Variants in SMARCA4 observed in about 807,000 individuals in gnomAD.
SMARCA4 encodes SWI/SNF-related matrix-associated actin-dependent regulator of chromatin subfamily A member 4.
SMARCA4 carries 31 observed loss-of-function variants against 193.9 expected under a neutral mutation model. That is an observed-to-expected ratio of 0.16 (90% CI 0.12 to 0.22). The LOEUF is 0.22. SMARCA4 is among the 10% of genes least tolerant of loss of function. The probability of loss-of-function intolerance (pLI) is 1.00; values close to 1 mark genes in which losing one functional copy is unlikely to be tolerated. For synonymous variants in SMARCA4, 942 were observed against 933.1 expected (o/e 1.01, Z -0.17); for missense variants, 1,148 against 2,296.0 (o/e 0.50, Z 10.22).
chr19:11,000,401 G>A (rs971002943), intron 11 of SMARCA4, among the ~76,000 whole-genome samples: 1 of 152,008 alleles, frequency 6.6e-6, no homozygotes, highest in Non-Finnish European at 1.5e-5. Context: ...TGGTGCGCAC[G>A]CCTGTAGTCC....
chr19:10,968,060 C>T (rs972705184), intron 1 of SMARCA4, among the ~76,000 whole-genome samples: 1 of 151,412 alleles, frequency 6.6e-6, no homozygotes, highest in Non-Finnish European at 1.5e-5. Flanking sequence ...ACCATGTTAG[C>T]CAGGATGGTC....
chr19:10,965,311 T>C (rs1431912345), intron 1 of SMARCA4: 1 of 152,182 alleles, frequency 6.6e-6, no homozygotes, highest in Non-Finnish European at 1.5e-5. Context: ...ACCCAGCTTG[T>C]AGGATTGCTG....
chr19:11,057,539 A>T (rs2147074326), intron 30 of SMARCA4, among the ~76,000 whole-genome samples: 1 of 152,078 alleles, frequency 6.6e-6, no homozygotes, highest in African/African-American at 2.4e-5. Flanking sequence ...GACCATCCTG[A>T]CCAACATGGT....
chr19:11,044,240 A>C (rs1391347800), intron 30 of SMARCA4, among the ~76,000 whole-genome samples: 1 of 152,166 alleles, frequency 6.6e-6, no homozygotes, highest in African/African-American at 2.4e-5. Flanking sequence ...TGGACTGTGG[A>C]TGTAAGAACG....
intron 14 of SMARCA4, among the ~76,000 whole-genome samples, chr19:11,009,561 C>G (rs1479849698): frequency 2.0e-5 from 3 of 152,146 alleles, no homozygotes; most frequent in Non-Finnish European, 1.5e-5. Context: ...CTCAGTCGCC[C>G]AGGCTGGAGT....
At chr19:11,050,183 C>G (rs1157388865) in intron 30 of SMARCA4, among the ~76,000 whole-genome samples, 3 of 152,232 alleles carry the variant, frequency 2.0e-5, no homozygotes, top group Non-Finnish European at 4.4e-5. Flanking sequence ...AGCTTCAGGG[C>G]TAGAGGGGCA....
At chr19:10,995,647 CAGGCAGCCATGTGCCA>C (rs1379094408) in intron 9 of SMARCA4, 1 of 378,826 alleles carries the variant, frequency 2.6e-6, no homozygotes, top group Admixed American at 3.2e-5. Flanking sequence ...GTTGAGGTGG[CAGGCAGCCATGTGCCA>C]GGGCAGCCGG....
intron 16 of SMARCA4, chr19:11,018,225 C>G (rs1170429346): frequency 6.2e-6 from 1 of 161,458 alleles, no homozygotes; most frequent in Non-Finnish European, 1.4e-5. Flanking sequence ...TTCCCTCCCC[C>G]ACTGAAAACT....
chr19:11,031,227 G>A lies in SMARCA4; in HGVS notation c.3546+334G>A, dbSNP rs1365536653. ...GCGCCGTCACTGTGGGGCGGCCCCT[G>A]CAGTGTGCCCTGTGAGCACACACAC... On this transcript the variant is annotated intron_variant, in intron 25 of 34. Transcript: ENST00000344626. The surrounding 1 kb of genome is among the most constrained non-coding windows in gnomAD (Gnocchi z 4.3). 3 of 384,212 alleles carry A rather than the reference G, an allele frequency of 7.8e-6. No individual in the cohort carries two copies. Among genetic ancestry groups the A allele is most frequent in the Admixed American group, 3.7e-5 (1 of 27,342 alleles). 23.8% of individuals were successfully genotyped at this position (384,212 alleles called of 1,614,324 possible). A position where few individuals can be genotyped will look rare whatever the true frequency, so the allele number is the denominator to read the frequency against.
rs2076645554 is a variant in SMARCA4, at chr19:11,058,096, A to G, written c.4425-159A>G. ...ACTCCAGCCTGGGCAGCAAGAGCGA[A>G]ACTCCGTCTCAAAAAAAAAAAAAGC... On this transcript the variant is annotated intron_variant, in intron 30 of 34. Coordinates refer to ENST00000344626, the MANE Select transcript of SMARCA4 (RefSeq NM_003072.5). This position sits in a 1 kb window ranked among gnomAD's most constrained non-coding sequence, Gnocchi z 5.8. 6.8e-6 allele frequency among the ~76,000 whole-genome samples: 1 copy of G among 148,070 alleles called. No homozygotes were observed. Among genetic ancestry groups the G allele is most frequent in the South Asian group, 2.2e-4 (1 of 4,498 alleles).
intron 1 of SMARCA4, among the ~76,000 whole-genome samples, chr19:10,982,560 C>T (rs1246387713): frequency 6.6e-6 from 1 of 150,982 alleles, no homozygotes; most frequent in Admixed American, 6.6e-5. Context: ...AGTGCGGTGG[C>T]ACGATCTCGG....
At position 10,989,459 on chromosome 19, in the gene SMARCA4, G is replaced by A. The variant is rs770653987; in HGVS notation, c.1245+16G>A. On this transcript the variant is annotated intron_variant, in intron 7 of 34. Coordinates refer to ENST00000344626, the MANE Select transcript of SMARCA4 (RefSeq NM_003072.5). ...CCAGAGGCAGGTGGGTGCTGGCATG[G>A]CCGCAGCTTTCCGAAAAGGGCCTTT... 6.2e-7 allele frequency: 1 copy of A among 1,613,622 alleles called. No individual in the cohort carries two copies. Among genetic ancestry groups the A allele is most frequent in the South Asian group, 1.1e-5 (1 of 91,060 alleles).
intron 34 of SMARCA4, among the ~76,000 whole-genome samples, chr19:11,061,204 A>AATATATATATATATATATATATAT (rs55894159): frequency 2.2e-5 from 1 of 45,226 alleles, no homozygotes; most frequent in Non-Finnish European, 3.8e-5. Flanking sequence ...AAAAAAAAAA[A>AATATATATATATATATATATATAT]ATATATATAT....
In SMARCA4 at chr19:10,996,996, C is replaced by T. The variant is rs374906645; in HGVS notation, c.1812+452C>T. 3.2e-4 allele frequency among the ~76,000 whole-genome samples: 49 copies of T among 151,430 alleles called. 1 individual carries two copies. The South Asian group carries it at 9.4e-3, about 29-fold the overall frequency. On this transcript the variant is annotated intron_variant, in intron 11 of 34. Transcript: ENST00000344626. ...CCTACCCTTCGAGTAGCTGGGATTACGGTTATGCCCCACCACACCCAGCTA... is the reference window on the plus strand; with the variant it reads ...CCTACCCTTCGAGTAGCTGGGATTATGGTTATGCCCCACCACACCCAGCTA...
In SMARCA4 at chr19:11,062,048, G is replaced by A. The variant is rs2076925625; in HGVS notation, c.*232G>A. On this transcript the variant is annotated 3_prime_UTR_variant, in exon 35 of 35. Transcript: ENST00000344626. ...ATTAACTGTCTTAAAGAGAGAGAGA[G>A]AGAATTCCGAATTGGGGAACACACG... The A allele has an allele frequency of 1.7e-6, 1 of 588,378 alleles. No individual in the cohort carries two copies. The highest frequency in any genetic ancestry group is 1.9e-5 in the African/African-American group (1 of 53,780). 36.4% of individuals were successfully genotyped at this position (588,378 alleles called of 1,614,324 possible). A position where few individuals can be genotyped will look rare whatever the true frequency, so the allele number is the denominator to read the frequency against.
At chr19:10,993,971 G>C (rs1429798629) in intron 8 of SMARCA4, among the ~76,000 whole-genome samples, 1 of 152,134 alleles carries the variant, frequency 6.6e-6, no homozygotes, top group Non-Finnish European at 1.5e-5. Flanking sequence ...ATCAGAGAGA[G>C]AAACCCAACC....
Position 10,985,346 on chromosome 19 carries a change from G to T in SMARCA4, c.296G>T (p.Arg99Leu). The change falls in exon 3 of 35, where the codon CGG (arginine) becomes CTG (leucine). Residue 99 changes from arginine (R) to leucine (L), a missense_variant. By Grantham distance (102) the Arg-to-Leu change is moderately radical (BLOSUM62 -2). Coordinates refer to ENST00000344626, the MANE Select transcript of SMARCA4 (RefSeq NM_003072.5). This position sits in a 1 kb window ranked among gnomAD's most constrained non-coding sequence, Gnocchi z 4.5. ...RYNQMKGMGM[R>L]SGGHAGMGPP... is the part of the protein sequence containing the mutation. ...AACCAGATGAAAGGAATGGGGATGC[G>T]GTCAGGGGGCCATGCTGGGATGGGG... 6.2e-7 allele frequency: 1 copy of T among 1,614,068 alleles called. No individual in the cohort carries two copies. The highest frequency in any genetic ancestry group is 8.5e-7 in the Non-Finnish European group (1 of 1,179,982).
Position 11,058,467 on chromosome 19 carries a change from A to G in SMARCA4, c.4533+104A>G. 2.3e-6 allele frequency: 2 copies of G among 854,904 alleles called. No homozygotes were observed. Among genetic ancestry groups the G allele is most frequent in the Admixed American group, 3.9e-5 (2 of 51,152 alleles). 53.0% of individuals were successfully genotyped at this position (854,904 alleles called of 1,614,324 possible). A position where few individuals can be genotyped will look rare whatever the true frequency, so the allele number is the denominator to read the frequency against. Reference sequence around the variant, plus strand: ...TGGTGTGTGGGCAGAATGACCAGAAACCACCTAGGCGGTGCCTTGGGCTAC... The same window carrying G: ...TGGTGTGTGGGCAGAATGACCAGAAGCCACCTAGGCGGTGCCTTGGGCTAC... On this transcript the variant is annotated intron_variant, in intron 31 of 34. Coordinates refer to ENST00000344626, the MANE Select transcript of SMARCA4 (RefSeq NM_003072.5). The surrounding 1 kb of genome is among the most constrained non-coding windows in gnomAD (Gnocchi z 5.8).
Position 11,019,464 on chromosome 19 carries a change from C to T in SMARCA4, c.2506-127C>T. ...CCAGCGGCCCTGCCAGCCCCTTTCC[C>T]CACTACCCCTGTGAGGACGAGCCCT... On this transcript the variant is annotated intron_variant, in intron 17 of 34. Transcript: ENST00000344626. This position sits in a 1 kb window ranked among gnomAD's most constrained non-coding sequence, Gnocchi z 6.1. The T allele has an allele frequency of 1.5e-6, 1 of 687,434 alleles. No individual in the cohort carries two copies. Among genetic ancestry groups the T allele is most frequent in the South Asian group, 1.6e-5 (1 of 63,602 alleles). 42.6% of individuals were successfully genotyped at this position (687,434 alleles called of 1,614,324 possible).
Sources: allele counts gnomAD v4.1 joint callset (sites outside exome capture counted in the v4.1 genomes callset), GRCh38; gene constraint gnomAD v4.1.1; non-coding constraint Gnocchi (gnomAD v3.1); transcripts MANE v1.5; gene names NCBI Gene and HGNC (gene_info 2026-07-23, HGNC 2026-07-21).